Variants in NSUN2 observed in about 807,000 individuals in gnomAD.
NSUN2 encodes the protein RNA cytosine C(5)-methyltransferase NSUN2.
Under a neutral mutation model 92.7 loss-of-function variants are expected in NSUN2, and 63 were observed. The observed-to-expected ratio is 0.68, with a 90% CI of 0.56 to 0.84. The LOEUF (loss-of-function observed/expected upper bound fraction) is 0.84. Ranked by LOEUF, NSUN2 falls within the 40% of genes least tolerant of loss-of-function variation. The pLI is 0.00. For synonymous variants in NSUN2, 356 were observed against 348.3 expected (o/e 1.02, Z -0.25); for missense variants, 989 against 964.9 (o/e 1.02, Z -0.33).
chr5:6,612,530 G>C (rs1378923147), intron 9 of NSUN2, among the ~76,000 whole-genome samples: 1 of 152,198 alleles, frequency 6.6e-6, no homozygotes, highest in Non-Finnish European at 1.5e-5. Context: ...CAGGAAACCA[G>C]TGAGACCAGC....
intron 11 of NSUN2, among the ~76,000 whole-genome samples, chr5:6,610,667 G>A (rs925428505): frequency 1.4e-5 from 2 of 143,420 alleles, no homozygotes; most frequent in Non-Finnish European, 1.5e-5. Context: ...CTGGATGACA[G>A]AGTGAGACTC....
intron 17 of NSUN2, chr5:6,603,793 G>A: frequency 4.8e-6 from 1 of 206,462 alleles, no homozygotes; most frequent in Non-Finnish European, 9.6e-6. Context: ...TGGCTGGGAG[G>A]CTTGCCAGGG....
intron 8 of NSUN2, among the ~76,000 whole-genome samples, chr5:6,617,142 T>C (rs1352240845): frequency 6.6e-6 from 1 of 152,226 alleles, no homozygotes; most frequent in African/African-American, 2.4e-5. Context: ...ATGTATTAGA[T>C]GAAATTTCAC....
At chr5:6,612,638 A>G (rs1306300545) in intron 9 of NSUN2, among the ~76,000 whole-genome samples, 1 of 152,244 alleles carries the variant, frequency 6.6e-6, no homozygotes, top group African/African-American at 2.4e-5. Context: ...AAACAAAGGA[A>G]AAGAATCTCC....
chr5:6,617,276 G>A (rs1297545254), intron 8 of NSUN2, among the ~76,000 whole-genome samples: 2 of 152,132 alleles, frequency 1.3e-5, no homozygotes, highest in East Asian at 3.8e-4. Context: ...ATGGAGACGA[G>A]GCCTCCTGCT....
intron 14 of NSUN2, among the ~76,000 whole-genome samples, chr5:6,605,971 C>T (rs557579788): frequency 3.3e-5 from 5 of 152,112 alleles, no homozygotes; most frequent in African/African-American, 1.2e-4. Context: ...GGGATGTGCC[C>T]GGCTGAGACT....
chr5:6,613,262 T>C (rs553381170), intron 9 of NSUN2, among the ~76,000 whole-genome samples: 6 of 152,318 alleles, frequency 3.9e-5, no homozygotes, highest in African/African-American at 1.4e-4. Flanking sequence ...ATTTAAGATA[T>C]ACACAACACA....
chr5:6,601,609 C>T (rs1001281954), intron 18 of NSUN2, among the ~76,000 whole-genome samples: 1 of 144,160 alleles, frequency 6.9e-6, no homozygotes, highest in African/African-American at 2.5e-5. Flanking sequence ...TATCCCTCCT[C>T]CTTCCCTACT....
chr5:6,606,904 G>A lies in NSUN2; in HGVS notation c.1517C>T (p.Pro506Leu), dbSNP rs1326921792. ...SKKDGVCGPP[P>L]SKKMKLFGFK... ...TCCAAATAACTTCATTTTCTTTGAT[G>A]GAGGAGGACTAAAAAGGGAATCAGG... Residue 506 changes from proline to leucine, a missense_variant, in exon 14 of 19, where the codon CCA becomes CTA. Pro to Leu is a moderately conservative substitution (Grantham distance 98). This residue lies in a region of NSUN2 where 626 missense variants were observed against 602.3 expected (regional missense o/e 1.04). Transcript: ENST00000264670. 6 of 1,570,510 alleles carry A rather than the reference G, an allele frequency of 3.8e-6. No individual in the cohort carries two copies. The African/African-American group carries it at 5.4e-5, about 14-fold the overall frequency.
Position 6,623,287 on chromosome 5 carries a change from T to C in NSUN2, c.466-2A>G. ...AGCTTCTTGACGACTAATATTTCCC[T>C]TGAGGAAAAAAAAAAAATCAGCAAC... is the stretch of plus-strand genomic sequence containing the variant. On this transcript the variant is annotated splice_acceptor_variant, in intron 4 of 18. Transcript: ENST00000264670. LOFTEE classifies it high-confidence loss of function. 6.4e-7 allele frequency: 1 copy of C among 1,572,852 alleles called. No homozygotes were observed. Among genetic ancestry groups the C allele is most frequent in the Non-Finnish European group, 8.5e-7 (1 of 1,170,296 alleles).
At chr5:6,606,282 A>G (rs1037929106) in intron 14 of NSUN2, among the ~76,000 whole-genome samples, 1 of 151,962 alleles carries the variant, frequency 6.6e-6, no homozygotes, top group Non-Finnish European at 1.5e-5. Flanking sequence ...ATCACAGTCC[A>G]GTTTTCTTTT....
chr5:6,610,922 C>G (rs1290849004), intron 11 of NSUN2, 33 bp downstream of exon 11: 7 of 1,612,478 alleles, frequency 4.3e-6, no homozygotes, highest in African/African-American at 1.3e-5. Context: ...TAACCTTCCC[C>G]CCTCCCCACA....
rs543325766 is a variant in NSUN2, at chr5:6,614,124, C to CCTCCCCCCT, written c.1022-2327_1022-2326insAGGGGGGAG. On this transcript the variant is annotated intron_variant, in intron 9 of 18. Coordinates refer to ENST00000264670, the MANE Select transcript of NSUN2 (RefSeq NM_017755.6). ...AAAAAAAAAAAAAAAAAAAAAAAAC[C>CCTCCCCCCT]CACAACACACACATATAGACAGACA... Among the ~76,000 whole-genome samples the CCTCCCCCCT allele has an allele frequency of 6.6e-4, 48 of 73,182 alleles. 15 individuals carry two copies. The highest frequency in any genetic ancestry group is 2.3e-3 in the South Asian group (5 of 2,172). The allele number at this position is 73,182 out of a possible 152,430, so 48.0% of individuals were successfully genotyped here.
intron 8 of NSUN2, among the ~76,000 whole-genome samples, chr5:6,617,601 CTCTTA>C (rs1266064075): frequency 3.3e-5 from 5 of 152,114 alleles, no homozygotes. Flanking sequence ...ATCAAAATGT[CTCTTA>C]GCAAAACGAT....
At chr5:6,601,755 C>T (rs1382776730) in intron 18 of NSUN2, among the ~76,000 whole-genome samples, 1 of 152,166 alleles carries the variant, frequency 6.6e-6, no homozygotes, top group Non-Finnish European at 1.5e-5. Context: ...TACCTATTCA[C>T]TCCCCCAAAT....
chr5:6,617,950 C>T lies in NSUN2; in HGVS notation c.890G>A (p.Gly297Asp), dbSNP rs1737278127. The change falls in exon 8 of 19, where the codon GGC becomes GAC. Residue 297 changes from glycine to aspartate, a missense_variant and splice_region_variant. Physicochemically the swap from Gly to Asp is moderately conservative, Grantham distance 94. This residue lies in a region of NSUN2 where 626 missense variants were observed against 602.3 expected (regional missense o/e 1.04). Transcript: ENST00000264670. ...TTAGCAGTGATGAAGTTTTACTTAC[C>T]CATGTAGCTGCAAGCTATTTAAGGT... ...WTTLNSLQLH[G>D]LQLRIATRGA... is the part of the protein sequence containing the mutation. 1.2e-6 allele frequency: 2 copies of T among 1,611,474 alleles called. No homozygotes were observed. Among genetic ancestry groups the T allele is most frequent in the Middle Eastern group, 1.7e-4 (1 of 6,058 alleles).
chr5:6,625,338 T>C (rs932854170), intron 4 of NSUN2, among the ~76,000 whole-genome samples: 3 of 152,148 alleles, frequency 2.0e-5, no homozygotes, highest in African/African-American at 7.2e-5. Context: ...AGAAATTAAC[T>C]AGCTGGCATC....
At chr5:6,622,900 A>G (rs1019012852) in intron 5 of NSUN2, among the ~76,000 whole-genome samples, 1 of 151,802 alleles carries the variant, frequency 6.6e-6, no homozygotes, top group African/African-American at 2.4e-5. Flanking sequence ...TTGCCATACA[A>G]TGAGCTCTCA....
chr5:6,602,444 G>A lies in NSUN2; in HGVS notation c.1997+17C>T. On this transcript the variant is annotated intron_variant, in intron 18 of 18. Coordinates refer to ENST00000264670, the MANE Select transcript of NSUN2 (RefSeq NM_017755.6). Reference sequence around the variant, plus strand: ...ACAAGGCGTGTGTGTCTAAGGGCAGGGCGTGTACTGACTTACGCAGAATCT... The same window carrying A: ...ACAAGGCGTGTGTGTCTAAGGGCAGAGCGTGTACTGACTTACGCAGAATCT... The A allele has an allele frequency of 2.5e-6, 4 of 1,612,960 alleles. No individual in the cohort carries two copies. The South Asian group carries it at 3.3e-5, about 13-fold the overall frequency.
Sources: allele counts gnomAD v4.1 joint callset (sites outside exome capture counted in the v4.1 genomes callset), GRCh38; gene constraint gnomAD v4.1.1; regional missense constraint gnomAD v4.1.1; transcripts MANE v1.5; gene names NCBI Gene and HGNC (gene_info 2026-07-23, HGNC 2026-07-21).